The following ADGRL3 variants were observed in gnomAD, a reference collection of about 807,000 sequenced individuals.
ADGRL3 encodes the protein adhesion G protein-coupled receptor L3, also known as calcium-independent alpha-latrotoxin receptor 3.
ADGRL3 carries 62 observed loss-of-function variants against 153.5 expected under a neutral mutation model. The ratio of observed to expected loss-of-function variants is 0.40; its 90% CI spans 0.33 to 0.50. ADGRL3 has a LOEUF of 0.50. ADGRL3 is among the 20% of genes least tolerant of loss of function. The pLI is 0.47. For missense variants in ADGRL3, 1,641 were observed against 1,859.4 expected (o/e 0.88, Z 2.16); for synonymous variants, 710 against 672.5 (o/e 1.06, Z -0.86).
chr4:61,798,502 C>A (rs76421192), intron 8 of ADGRL3, among the ~76,000 whole-genome samples: 5,071 of 152,186 alleles, frequency 0.033, 237 homozygotes, highest in East Asian at 0.23. Context: ...ACTCTTTTTG[C>A]CAAATGATTC....
At chr4:61,991,550 T>C (rs2099103721) in intron 19 of ADGRL3, among the ~76,000 whole-genome samples, 1 of 152,068 alleles carries the variant, frequency 6.6e-6, no homozygotes, top group South Asian at 2.1e-4. Flanking sequence ...ATATTAGAAG[T>C]AGTGTTTAAT....
chr4:62,046,175 T>A (rs1237848455), intron 25 of ADGRL3, among the ~76,000 whole-genome samples: 4 of 151,890 alleles, frequency 2.6e-5, no homozygotes, highest in Non-Finnish European at 4.4e-5. Flanking sequence ...GAACTATCTT[T>A]CATTTAATGA....
intron 1 of ADGRL3, among the ~76,000 whole-genome samples, chr4:61,350,670 A>G (rs186841331): frequency 5.6e-4 from 85 of 152,202 alleles, no homozygotes; most frequent in Admixed American, 1.2e-3. Context: ...TAAAATTATT[A>G]TATCTATTAG....
At chr4:61,580,567 T>C (rs2098920243) in intron 4 of ADGRL3, among the ~76,000 whole-genome samples, 1 of 152,124 alleles carries the variant, frequency 6.6e-6, no homozygotes, top group African/African-American at 2.4e-5. Context: ...TAAACATTTA[T>C]TATCTTACAC....
intron 8 of ADGRL3, chr4:61,775,402 TTGTGTGTGTGTG>T (rs61671331): frequency 2.2e-5 from 10 of 453,908 alleles, no homozygotes; most frequent in South Asian, 5.0e-5. Context: ...TTTTCTTTCT[TTGTGTGTGTGTG>T]TGTGTGTGTG....
intron 3 of ADGRL3, among the ~76,000 whole-genome samples, chr4:61,501,740 G>A (rs2098389107): frequency 6.6e-6 from 1 of 152,116 alleles, no homozygotes; most frequent in Non-Finnish European, 1.5e-5. Context: ...TTCTGATAAT[G>A]TTTAGGTTAG....
At chr4:61,844,546 C>CAAAAAAAAAAAAAAAAAAAAAA (rs71604517) in intron 9 of ADGRL3, among the ~76,000 whole-genome samples, 1 of 17,548 alleles carries the variant, frequency 5.7e-5, no homozygotes, top group African/African-American at 3.2e-4. Context: ...GACTGCATCT[C>CAAAAAAAAAAAAAAAAAAAAAA]AAAAAAAAAA....
intron 21 of ADGRL3, among the ~76,000 whole-genome samples, chr4:62,013,899 T>A (rs554481452): frequency 8.9e-5 from 5 of 56,036 alleles, no homozygotes; most frequent in East Asian, 5.8e-4. Flanking sequence ...AAAAAAAAAA[T>A]TTTTTTTTTG....
intron 1 of ADGRL3, among the ~76,000 whole-genome samples, chr4:61,281,408 A>G (rs1456008651): frequency 6.6e-6 from 1 of 152,152 alleles, no homozygotes; most frequent in Non-Finnish European, 1.5e-5. Context: ...CTCGCACATA[A>G]AACTGTAGGC....
At chr4:61,647,907 T>C (rs1580077126) in intron 5 of ADGRL3, among the ~76,000 whole-genome samples, 2 of 152,296 alleles carry the variant, frequency 1.3e-5, no homozygotes, top group East Asian at 3.9e-4. Context: ...AAAAGGAAGA[T>C]TGTAAACTTT....
chr4:61,361,102 A>C (rs73216335), intron 1 of ADGRL3, among the ~76,000 whole-genome samples: 2 of 152,298 alleles, frequency 1.3e-5, no homozygotes, highest in African/African-American at 4.8e-5. Context: ...GTTCTTTCTA[A>C]CAAGTGCTAG....
At chr4:61,222,616 C>T (rs934353379) in intron 1 of ADGRL3, among the ~76,000 whole-genome samples, 2 of 152,060 alleles carry the variant, frequency 1.3e-5, no homozygotes, top group African/African-American at 4.8e-5. Context: ...TTTCAAGCTC[C>T]ATTGGAAATG....
At chr4:61,802,196 AAAGG>A (rs1470281286) in intron 8 of ADGRL3, among the ~76,000 whole-genome samples, 1 of 152,174 alleles carries the variant, frequency 6.6e-6, no homozygotes, top group African/African-American at 2.4e-5. Context: ...TAAACTTATT[AAAGG>A]AAGAAAACAC....
chr4:61,490,861 G>A (rs1349401855), intron 2 of ADGRL3, among the ~76,000 whole-genome samples: 11 of 152,046 alleles, frequency 7.2e-5, no homozygotes, highest in Admixed American at 6.6e-4. Flanking sequence ...TGTAAATTGA[G>A]AAACAATACA....
chr4:61,915,530 G>C (rs938498292), intron 13 of ADGRL3, among the ~76,000 whole-genome samples: 2 of 151,952 alleles, frequency 1.3e-5, no homozygotes, highest in Non-Finnish European at 2.9e-5. Flanking sequence ...ATTCAAACAT[G>C]AATCTCTGGT....
rs2098194716 is a variant in ADGRL3 at position 61,486,414 on chromosome 4, G to T, written c.-173-10707G>T. On this transcript the variant is annotated intron_variant, in intron 2 of 26. Transcript: ENST00000683033. ...ATATATTGTCACAATTATCAATCAT[G>T]AACTACTCAGGTGATTTTATTTATA... is the stretch of plus-strand genomic sequence containing the variant. 3.3e-5 allele frequency among the ~76,000 whole-genome samples: 5 copies of T among 152,126 alleles called. No individual in the cohort carries two copies. The South Asian group carries it at 1.0e-3, about 32-fold the overall frequency.
intron 3 of ADGRL3, among the ~76,000 whole-genome samples, chr4:61,516,418 TG>T: frequency 6.6e-6 from 1 of 152,252 alleles, no homozygotes; most frequent in East Asian, 1.9e-4. Flanking sequence ...TTATCCTTTC[TG>T]TTGACAGACA....
chr4:61,203,890 A>G (rs530409855), intron 1 of ADGRL3, among the ~76,000 whole-genome samples: 1 of 141,672 alleles, frequency 7.1e-6, no homozygotes, highest in Non-Finnish European at 1.5e-5. Context: ...GTGTTGAATT[A>G]TCTCTCAGCT....
chr4:61,392,702 A>AG (rs2096826111), intron 2 of ADGRL3, among the ~76,000 whole-genome samples: 1 of 146,538 alleles, frequency 6.8e-6, no homozygotes, highest in South Asian at 2.2e-4. Flanking sequence ...AAAAAAAAAA[A>AG]AAAAGAAAAA....
Sources: allele counts gnomAD v4.1 joint callset (sites outside exome capture counted in the v4.1 genomes callset), GRCh38; gene constraint gnomAD v4.1.1; transcripts MANE v1.5; gene names NCBI Gene and HGNC (gene_info 2026-07-23, HGNC 2026-07-21).